MAGI2: variants seen among roughly 807,000 people sequenced by gnomAD.
The protein encoded by MAGI2 is membrane associated guanylate kinase, WW and PDZ domain containing 2, also known as membrane-associated guanylate kinase, WW and PDZ domain-containing protein 2.
MAGI2 carries 35 observed loss-of-function variants against 133.3 expected under a neutral mutation model. The observed-to-expected ratio is 0.26, with a 90% CI of 0.20 to 0.35. The LOEUF (loss-of-function observed/expected upper bound fraction) is 0.35, where lower values mean the gene tolerates loss of function less well. MAGI2 is among the 10% of genes least tolerant of loss of function. The pLI, the probability that MAGI2 is intolerant of heterozygous loss-of-function variation, is 1.00. For synonymous variants in MAGI2, 729 were observed against 710.6 expected, an observed-to-expected ratio of 1.03 and a Z score of -0.41; for missense variants, 1,636 against 1,863.4, an observed-to-expected ratio of 0.88 and a Z score of 2.25.
intron 6 of MAGI2, among the ~76,000 whole-genome samples, chr7:78,432,219 A>T (rs1799861676): frequency 6.6e-6 from 1 of 151,776 alleles, no homozygotes. Context: ...AAAAAAAAAA[A>T]AGGCAAAACT....
chr7:78,493,900 A>G (rs1267115840), intron 5 of MAGI2, among the ~76,000 whole-genome samples: 4 of 152,184 alleles, frequency 2.6e-5, no homozygotes, highest in Non-Finnish European at 5.9e-5. Flanking sequence ...TTGAGGAGGC[A>G]TTGATAATAC....
At chr7:78,669,236 G>T (rs1814026814) in intron 2 of MAGI2, among the ~76,000 whole-genome samples, 1 of 151,922 alleles carries the variant, frequency 6.6e-6, no homozygotes, top group Non-Finnish European at 1.5e-5. Flanking sequence ...TGATAAAGGG[G>T]ATATCACCAC....
At chr7:78,917,986 C>T (rs531655508) in intron 2 of MAGI2, among the ~76,000 whole-genome samples, 1 of 152,224 alleles carries the variant, frequency 6.6e-6, no homozygotes, top group South Asian at 2.1e-4. Flanking sequence ...CAGAAACTCT[C>T]CAAATCTCAT....
At chr7:78,208,135 C>CTTTTTTTTTTTTTTTTTTTTTTTTTTT (rs71085515) in intron 10 of MAGI2, among the ~76,000 whole-genome samples, 1 of 115,588 alleles carries the variant, frequency 8.7e-6, no homozygotes, top group Non-Finnish European at 1.7e-5. Flanking sequence ...CCCAAAGTGG[C>CTTTTTTTTTTTTTTTTTTTTTTTTTTT]TTTTTTTTTT....
chr7:78,561,155 G>A (rs931824291), intron 3 of MAGI2, among the ~76,000 whole-genome samples: 1 of 152,136 alleles, frequency 6.6e-6, no homozygotes, highest in South Asian at 2.1e-4. Context: ...GAGACAAGAA[G>A]CAGACAAACT....
In MAGI2 at chr7:79,398,484, T is replaced by C. The variant is rs76569430; in HGVS notation, c.301+54536A>G. ...ATCCCCAAATCTGTCAATGTCACTGTAGCCTGTGATTTCCTGGATAAAAAG... is the reference window on the plus strand; with the variant it reads ...ATCCCCAAATCTGTCAATGTCACTGCAGCCTGTGATTTCCTGGATAAAAAG... On this transcript the variant is annotated intron_variant, in intron 1 of 21. Coordinates refer to ENST00000354212, the MANE Select transcript of MAGI2 (RefSeq NM_012301.4). 6.9e-3 allele frequency among the ~76,000 whole-genome samples: 1,046 copies of C among 152,338 alleles called. 8 individuals carry two copies. The highest frequency in any genetic ancestry group is 0.024 in the African/African-American group (1,000 of 41,580).
At chr7:78,433,472 A>G (rs536188967) in intron 6 of MAGI2, among the ~76,000 whole-genome samples, 12 of 152,172 alleles carry the variant, frequency 7.9e-5, no homozygotes, top group South Asian at 4.1e-4. Context: ...TTTAGGACCA[A>G]TCTTTCTATC....
chr7:78,563,484 C>A lies in MAGI2; in HGVS notation c.539-41839G>T, dbSNP rs562830108. On this transcript the variant is annotated intron_variant, in intron 3 of 21. Transcript: ENST00000354212. ...TTCTAGGATTACGAGTTTTTGGAAA[C>A]CAGGAGTGTGAAAAACGACAGACGA... is the stretch of plus-strand genomic sequence containing the variant. 1.6e-4 allele frequency among the ~76,000 whole-genome samples: 24 copies of A among 152,206 alleles called. 1 individual carries two copies. The South Asian group carries it at 5.0e-3, about 32-fold the overall frequency.
chr7:78,980,467 G>A (rs115104901), intron 2 of MAGI2, among the ~76,000 whole-genome samples: 286 of 151,932 alleles, frequency 1.9e-3, no homozygotes, highest in African/African-American at 6.7e-3. Flanking sequence ...GCTTGTCAGT[G>A]TCAGGAGAGC....
At chr7:78,538,563 T>A (rs1798152218) in intron 3 of MAGI2, among the ~76,000 whole-genome samples, 1 of 152,218 alleles carries the variant, frequency 6.6e-6, no homozygotes, top group African/African-American at 2.4e-5. Context: ...GAGATATTCC[T>A]AAGTTGCTAT....
chr7:79,353,815 A>G, intron 1 of MAGI2: 2 of 223,764 alleles, frequency 8.9e-6, no homozygotes, highest in South Asian at 1.2e-4. Context: ...GGGTGCTGGC[A>G]GGGGGTGGTG....
chr7:78,318,177 A>C (rs1341547388), intron 9 of MAGI2, among the ~76,000 whole-genome samples: 1 of 152,200 alleles, frequency 6.6e-6, no homozygotes, highest in Non-Finnish European at 1.5e-5. Flanking sequence ...AACTCCTCCA[A>C]GCTAAAGGAG....
At chr7:78,312,407 G>C (rs186328758) in intron 9 of MAGI2, among the ~76,000 whole-genome samples, 37 of 151,916 alleles carry the variant, frequency 2.4e-4, no homozygotes, top group Non-Finnish European at 4.7e-4. Flanking sequence ...ACCGCAAAAA[G>C]TATCATAAAA....
Position 78,512,864 on chromosome 7 carries a change from T to C in MAGI2, c.754+8566A>G, listed in dbSNP as rs1406774963. Reference sequence around the variant, plus strand: ...ATGAAAATAGAAAATTCAAAGTCTGTGGGTAGAAGGTGACAAGGAAAACAT... The same window carrying C: ...ATGAAAATAGAAAATTCAAAGTCTGCGGGTAGAAGGTGACAAGGAAAACAT... On this transcript the variant is annotated intron_variant, in intron 4 of 21. Coordinates refer to ENST00000354212, the MANE Select transcript of MAGI2 (RefSeq NM_012301.4). Among the ~76,000 whole-genome samples, 3 of 152,094 alleles carry C rather than the reference T, an allele frequency of 2.0e-5. No homozygotes were observed. The East Asian group carries it at 5.8e-4, about 29-fold the overall frequency.
At chr7:79,009,094 A>G (rs190650416) in intron 1 of MAGI2, 7 of 152,258 alleles carry the variant, frequency 4.6e-5, no homozygotes, top group East Asian at 3.9e-4. Flanking sequence ...AATGCCAACT[A>G]TAGAACAACA....
intron 10 of MAGI2, among the ~76,000 whole-genome samples, chr7:78,243,233 A>C (rs1342409847): frequency 1.4e-5 from 1 of 73,282 alleles, no homozygotes; most frequent in African/African-American, 6.0e-5. Flanking sequence ...ATACACACAC[A>C]CACACACACA....
intron 1 of MAGI2, among the ~76,000 whole-genome samples, chr7:79,359,423 T>C (rs1842229846): frequency 6.6e-6 from 1 of 151,994 alleles, no homozygotes; most frequent in East Asian, 1.9e-4. Context: ...GCTGAATAAA[T>C]ATTTTAAAAA....
At chr7:78,596,188 G>GAGGGAAGGAATGA (rs1349478933) in intron 3 of MAGI2, among the ~76,000 whole-genome samples, 1 of 51,262 alleles carries the variant, frequency 2.0e-5, no homozygotes, top group Non-Finnish European at 5.4e-5. Flanking sequence ...GGAAGGGAGG[G>GAGGGAAGGAATGA]AGGGAGGGAG....
At chr7:78,753,743 C>T (rs897452814) in intron 2 of MAGI2, among the ~76,000 whole-genome samples, 1 of 151,036 alleles carries the variant, frequency 6.6e-6, no homozygotes, top group Admixed American at 6.6e-5. Context: ...CAAATCATAA[C>T]CAATTCAATC....
Sources: allele counts gnomAD v4.1 joint callset (sites outside exome capture counted in the v4.1 genomes callset), GRCh38; gene constraint gnomAD v4.1.1; transcripts MANE v1.5; gene names NCBI Gene and HGNC (gene_info 2026-07-23, HGNC 2026-07-21).